Variants in CDH12 observed in about 807,000 individuals in gnomAD.
CDH12 encodes cadherin 12.
Under a neutral mutation model 74.1 loss-of-function variants are expected in CDH12, and 41 were observed. The observed-to-expected ratio is 0.55, with a 90% CI of 0.43 to 0.72. The LOEUF is 0.72. Among genes scored for constraint, CDH12 ranks in the 30% least tolerant of loss-of-function variants. CDH12 has a pLI of 0.00. For missense variants in CDH12, 945 were observed against 977.2 expected (o/e 0.97, Z 0.44); for synonymous variants, 399 against 355.0 (o/e 1.12, Z -1.39).
At chr5:22,116,837 C>G (rs113774400) in intron 4 of CDH12, among the ~76,000 whole-genome samples, 1 of 143,460 alleles carries the variant, frequency 7.0e-6, no homozygotes, top group African/African-American at 2.6e-5. Context: ...TATCTTCGTT[C>G]AGCTAGGCTG....
intron 2 of CDH12, among the ~76,000 whole-genome samples, chr5:22,460,965 C>A (rs1307969394): frequency 2.0e-5 from 3 of 150,332 alleles, no homozygotes; most frequent in Admixed American, 1.3e-4. Flanking sequence ...AGGTGATCCA[C>A]CTGCCTCGGC....
At chr5:22,169,802 G>A (rs1170198483) in intron 4 of CDH12, among the ~76,000 whole-genome samples, 1 of 151,792 alleles carries the variant, frequency 6.6e-6, no homozygotes, top group South Asian at 2.1e-4. Flanking sequence ...TTATACATGA[G>A]AAAACCAGAG....
At chr5:22,737,332 T>A (rs7702915) in intron 1 of CDH12, among the ~76,000 whole-genome samples, 75,714 of 151,610 alleles carry the variant, frequency 0.5, 18,911 homozygotes, top group East Asian at 0.56. Context: ...GATGTTTTGC[T>A]AGAAAATAAA....
At chr5:22,080,795 T>G (rs1464691769) in intron 4 of CDH12, among the ~76,000 whole-genome samples, 1 of 152,178 alleles carries the variant, frequency 6.6e-6, no homozygotes, top group Non-Finnish European at 1.5e-5. Context: ...CTTTTTCTTT[T>G]TTTTGATGGA....
chr5:22,726,856 C>T (rs530576476), intron 1 of CDH12, among the ~76,000 whole-genome samples: 5 of 151,698 alleles, frequency 3.3e-5, no homozygotes, highest in Admixed American at 6.6e-5. Flanking sequence ...ATTGCTAGAG[C>T]AGTGGATTAT....
At chr5:22,450,104 T>C (rs1744983957) in intron 2 of CDH12, among the ~76,000 whole-genome samples, 1 of 152,050 alleles carries the variant, frequency 6.6e-6, no homozygotes, top group Non-Finnish European at 1.5e-5. Context: ...TTATTATTTC[T>C]ATGACTTCTG....
chr5:22,246,146 C>A (rs1348653807), intron 3 of CDH12, among the ~76,000 whole-genome samples: 1 of 152,072 alleles, frequency 6.6e-6, no homozygotes. Flanking sequence ...TTTGAATAAG[C>A]ATTACATTTT....
At chr5:21,930,609 G>T (rs1024531066) in intron 6 of CDH12, among the ~76,000 whole-genome samples, 12 of 152,104 alleles carry the variant, frequency 7.9e-5, no homozygotes, top group Non-Finnish European at 1.3e-4. Context: ...AAATGTTGGT[G>T]ATTTTTATTA....
chr5:22,712,611 C>A (rs1743346274), intron 1 of CDH12, among the ~76,000 whole-genome samples: 2 of 152,046 alleles, frequency 1.3e-5, no homozygotes, highest in Admixed American at 1.3e-4. Flanking sequence ...TAATTGGTTT[C>A]TCTGTTGTAG....
At chr5:21,754,847 GA>G (rs1263529163) in intron 14 of CDH12, among the ~76,000 whole-genome samples, 1 of 152,148 alleles carries the variant, frequency 6.6e-6, no homozygotes. Flanking sequence ...ATCTGGCAGT[GA>G]ATTAATAAAT....
At chr5:22,421,498 C>A (rs1008669438) in intron 2 of CDH12, among the ~76,000 whole-genome samples, 3 of 152,138 alleles carry the variant, frequency 2.0e-5, no homozygotes, top group African/African-American at 4.8e-5. Context: ...TCATCCATAT[C>A]CCTGCAAAGG....
At chr5:22,838,484 T>C (rs2126516532) in intron 1 of CDH12, among the ~76,000 whole-genome samples, 1 of 152,280 alleles carries the variant, frequency 6.6e-6, no homozygotes, top group Non-Finnish European at 1.5e-5. Context: ...TCTCATAAAA[T>C]TTAGAATGGG....
In CDH12 at chr5:21,764,912, A is replaced by T. The variant is rs990102376; in HGVS notation, c.1515+66T>A. Reference sequence around the variant, plus strand: ...TATATGTGTGCATATTCATGTCTGGACTTATAACTTAAAACATGCATATGG... The same window carrying T: ...TATATGTGTGCATATTCATGTCTGGTCTTATAACTTAAAACATGCATATGG... On this transcript the variant is annotated intron_variant, in intron 12 of 14. Coordinates refer to ENST00000382254, the MANE Select transcript of CDH12 (RefSeq NM_004061.5). The T allele has an allele frequency of 1.7e-4, 254 of 1,473,662 alleles. 2 individuals are homozygous for T. The highest frequency in any genetic ancestry group is 7.0e-4 in the South Asian group (60 of 85,870). The allele number at this position is 1,473,662 out of a possible 1,614,324, so 91.3% of individuals were successfully genotyped here.
At chr5:22,478,434 A>G (rs891179935) in intron 2 of CDH12, among the ~76,000 whole-genome samples, 23 of 151,258 alleles carry the variant, frequency 1.5e-4, no homozygotes, top group Admixed American at 3.3e-4. Flanking sequence ...AAAAAAAAAA[A>G]AAAGAAAGAA....
At chr5:21,768,860 TAAATAC>T (rs1381281226) in intron 11 of CDH12, among the ~76,000 whole-genome samples, 1 of 151,980 alleles carries the variant, frequency 6.6e-6, no homozygotes, top group Non-Finnish European at 1.5e-5. Flanking sequence ...CTTATAAACA[TAAATAC>T]AAACACTCCT....
intron 3 of CDH12, among the ~76,000 whole-genome samples, chr5:22,220,430 T>G (rs1751972494): frequency 6.6e-6 from 1 of 151,778 alleles, no homozygotes; most frequent in Admixed American, 6.6e-5. Context: ...TTTCACATTA[T>G]TTTTATAAAA....
At chr5:22,209,299 A>T (rs1751398863) in intron 4 of CDH12, among the ~76,000 whole-genome samples, 1 of 152,202 alleles carries the variant, frequency 6.6e-6, no homozygotes, top group Non-Finnish European at 1.5e-5. Context: ...ACCTCTGTGG[A>T]CATATGGGAA....
intron 1 of CDH12, among the ~76,000 whole-genome samples, chr5:22,797,907 A>C (rs2126407029): frequency 6.6e-6 from 1 of 152,298 alleles, no homozygotes; most frequent in South Asian, 2.1e-4. Context: ...GTTGCTTTTG[A>C]GGAATAAATA....
chr5:22,816,341 C>T (rs1030382198), intron 1 of CDH12, among the ~76,000 whole-genome samples: 1 of 152,108 alleles, frequency 6.6e-6, no homozygotes, highest in Admixed American at 6.5e-5. Context: ...AGGGCTAGTC[C>T]GTAAAGCTTA....
Sources: allele counts gnomAD v4.1 joint callset (sites outside exome capture counted in the v4.1 genomes callset), GRCh38; gene constraint gnomAD v4.1.1; transcripts MANE v1.5; gene names NCBI Gene and HGNC (gene_info 2026-07-23, HGNC 2026-07-21).